RFC1: variants seen among roughly 807,000 people sequenced by gnomAD.
RFC1 encodes the protein replication factor C subunit 1.
RFC1 carries 37 observed loss-of-function variants against 137.4 expected under a neutral mutation model. That is an observed-to-expected ratio of 0.27 (90% confidence interval 0.21 to 0.35). The LOEUF (loss-of-function observed/expected upper bound fraction) is 0.35. Among genes scored for constraint, RFC1 ranks in the 10% least tolerant of loss-of-function variants. RFC1 has a pLI of 1.00. For synonymous variants in RFC1, 429 were observed against 455.7 expected (o/e 0.94, Z 0.75); for missense variants, 1,205 against 1,358.5 (o/e 0.89, Z 1.78).
intron 2 of RFC1, among the ~76,000 whole-genome samples, chr4:39,348,647 A>C (rs554196711): frequency 6.6e-6 from 1 of 152,106 alleles, no homozygotes; most frequent in South Asian, 2.1e-4. Context: ...TGACAGGACA[A>C]CACAGCTATT....
rs779710595 is a variant in RFC1, at chr4:39,351,494, GA to G, written c.4-19del. 24 of 1,528,174 alleles carry G rather than the reference GA, an allele frequency of 1.6e-5. No individual in the cohort carries two copies. The highest frequency in any genetic ancestry group is 2.1e-5 in the Non-Finnish European group (24 of 1,141,842). The allele number at this position is 1,528,174 out of a possible 1,614,324, so 94.7% of individuals were successfully genotyped here. A position where few individuals can be genotyped will look rare whatever the true frequency, so the allele number is the denominator to read the frequency against. On this transcript the variant is annotated intron_variant, in intron 1 of 24. Coordinates refer to ENST00000349703, the MANE Select transcript of RFC1 (RefSeq NM_002913.5). ...CGAATGTCCTAAAAGCAAAAAACAG[GA>G]GATTCACGAATAAACATTAACCGCA...
intron 22 of RFC1, among the ~76,000 whole-genome samples, chr4:39,293,669 C>T (rs934875014): frequency 1.3e-5 from 2 of 151,890 alleles, no homozygotes. Flanking sequence ...ATGAGGAGGC[C>T]GCAGTTCCCA....
intron 10 of RFC1, among the ~76,000 whole-genome samples, chr4:39,313,317 G>A (rs1739060831): frequency 6.6e-6 from 1 of 152,180 alleles, no homozygotes; most frequent in South Asian, 2.1e-4. Flanking sequence ...TCAGGAAACT[G>A]CTTGTTCTTA....
At chr4:39,341,775 C>A (rs1401429318) in intron 4 of RFC1, 1 of 399,088 alleles carries the variant, frequency 2.5e-6, no homozygotes, top group African/African-American at 2.1e-5. Flanking sequence ...GAACAATATC[C>A]ATGAAACAAT....
Position 39,342,449 on chromosome 4 carries a change from G to A in RFC1, c.227C>T (p.Thr76Met), listed in dbSNP as rs1190859841. The change falls in exon 4 of 25, where the codon ACG becomes ATG. Residue 76 changes from threonine to methionine, a missense_variant. Around this residue, in one of 3 missense-constraint regions of RFC1, gnomAD observed 962 missense variants for 1,035.3 expected, o/e 0.93. Transcript: ENST00000349703. ...IYDSDSESEE[T>M]LQVKNAKKPP... ...CTTTTTGGCATTTTTTACCTGCAAC[G>A]TCTCCTCTGACTCTGAATCTGTATG... 15 of 1,612,626 alleles carry A rather than the reference G, an allele frequency of 9.3e-6. No individual in the cohort carries two copies. Among genetic ancestry groups the A allele is most frequent in the Admixed American group, 3.3e-5 (2 of 59,966 alleles).
Position 39,289,962 on chromosome 4 carries a change from A to G in RFC1, c.3246T>C (p.Ser1082=). The part of the protein sequence containing the change: ...TPYSLQAIKA[S]RHSTSPSLDS... The stretch of plus-strand genomic sequence containing the variant: ...CCAGGGATGGGCTTGTGCTGTGTCT[A>G]GATGCCTTTATAGCTTGAAGTGAGT... Residue 1082 remains serine, a synonymous_variant, in exon 24 of 25, where the codon TCT becomes TCC. Coordinates refer to ENST00000349703, the MANE Select transcript of RFC1 (RefSeq NM_002913.5). The G allele has an allele frequency of 6.2e-7, 1 of 1,613,412 alleles. No homozygotes were observed. Among genetic ancestry groups the G allele is most frequent in the Non-Finnish European group, 8.5e-7 (1 of 1,179,406 alleles).
rs779564930 is a variant in RFC1 at position 39,345,518 on chromosome 4, A to G, written c.133-42T>C. The G allele has an allele frequency of 3.4e-6, 5 of 1,487,234 alleles. No individual in the cohort carries two copies. The Admixed American group carries it at 5.9e-5, about 18-fold the overall frequency. 92.1% of individuals were successfully genotyped at this position (1,487,234 alleles called of 1,614,324 possible). A position where few individuals can be genotyped will look rare whatever the true frequency, so the allele number is the denominator to read the frequency against. On this transcript the variant is annotated intron_variant, in intron 2 of 24. Transcript: ENST00000349703. ...ATAATTAGAACATAAAGAAGCCTAT[A>G]TAACTATCTTTTTTTTTTTTGAGAC...
chr4:39,360,461 G>A (rs953823869), intron 1 of RFC1, among the ~76,000 whole-genome samples: 3 of 151,748 alleles, frequency 2.0e-5, no homozygotes, highest in East Asian at 1.9e-4. Context: ...CCAAGGTCGC[G>A]CCACTGCACT....
At chr4:39,325,598 G>T (rs1259503228) in intron 6 of RFC1, among the ~76,000 whole-genome samples, 1 of 152,044 alleles carries the variant, frequency 6.6e-6, no homozygotes, top group Non-Finnish European at 1.5e-5. Flanking sequence ...ACCCAGACTG[G>T]TCTCAAACTC....
intron 13 of RFC1, 132 bp downstream of exon 13, chr4:39,308,504 G>C (rs1373761442): frequency 3.2e-6 from 4 of 1,257,674 alleles, no homozygotes; most frequent in Non-Finnish European, 4.4e-6. Flanking sequence ...TACTGCACCT[G>C]GGTTCAGATC....
chr4:39,332,092 C>T (rs1274763405), intron 4 of RFC1, among the ~76,000 whole-genome samples: 1 of 152,212 alleles, frequency 6.6e-6, no homozygotes, highest in African/African-American at 2.4e-5. Context: ...TTTCACCTTC[C>T]ACCATGATTG....
chr4:39,324,174 C>T (rs1376041707), intron 6 of RFC1, among the ~76,000 whole-genome samples: 2 of 151,974 alleles, frequency 1.3e-5, no homozygotes, highest in African/African-American at 4.8e-5. Flanking sequence ...AAACACCCTA[C>T]ATTATTCAAA....
chr4:39,296,451 G>A (rs1424759541), intron 21 of RFC1, among the ~76,000 whole-genome samples: 1 of 103,830 alleles, frequency 9.6e-6, no homozygotes, highest in African/African-American at 3.8e-5. Context: ...CCCTTCCTGT[G>A]TCCATGTGAT....
chr4:39,346,501 A>G (rs1223248487), intron 2 of RFC1, among the ~76,000 whole-genome samples: 1 of 152,136 alleles, frequency 6.6e-6, no homozygotes, highest in African/African-American at 2.4e-5. Context: ...AGTACTAAAT[A>G]AAACCAATGC....
chr4:39,342,361 T>C lies in RFC1; in HGVS notation c.315A>G (p.Thr105=), dbSNP rs140182474. ...CAACCTTACCTGTTTCTGAAATGTA[T>C]GTAACAGGATCCTGCCGTGAAATTT... ...PGKISRQDPV[T]YISETDEEDD... is the part of the protein sequence containing the mutation. The change falls in exon 4 of 25, where the codon ACA becomes ACG. Residue 105 remains threonine, a synonymous_variant. Transcript: ENST00000349703. 16 of 1,612,846 alleles carry C rather than the reference T, an allele frequency of 9.9e-6. No homozygotes were observed. The highest frequency in any genetic ancestry group is 8.0e-5 in the African/African-American group (6 of 74,882).
intron 1 of RFC1, among the ~76,000 whole-genome samples, chr4:39,361,346 G>A (rs1214022529): frequency 2.0e-5 from 3 of 152,050 alleles, no homozygotes; most frequent in Non-Finnish European, 2.9e-5. Context: ...CTGAGATCAC[G>A]CCACCACACT....
intron 22 of RFC1, among the ~76,000 whole-genome samples, chr4:39,293,528 C>T (rs576724796): frequency 1.3e-5 from 2 of 152,200 alleles, no homozygotes; most frequent in East Asian, 1.9e-4. Flanking sequence ...AGAAGAGAAA[C>T]GGACCTACAA....
chr4:39,340,549 T>A (rs1740562543), intron 4 of RFC1, among the ~76,000 whole-genome samples: 1 of 152,204 alleles, frequency 6.6e-6, no homozygotes, highest in Non-Finnish European at 1.5e-5. Context: ...TAGCCTAACG[T>A]AAAGAGTAAT....
Position 39,351,358 on chromosome 4 carries a change from T to A in RFC1, c.122A>T (p.Lys41Met). Residue 41 changes from lysine to methionine, a missense_variant, in exon 2 of 25, where the codon AAG becomes ATG. Transcript: ENST00000349703. ...EETLKAKKGI[K>M]EIKVNSSRKE... is the part of the protein sequence containing the mutation. ...ACCCAGAAAACTAACCTTGATTTCC[T>A]TTATTCCTTTCTTTGCTTTTAAAGT... 6.4e-7 allele frequency: 1 copy of A among 1,557,872 alleles called. No individual in the cohort carries two copies.
Sources: gnomAD v4.1 joint callset for allele counts (sites outside exome capture counted in the v4.1 genomes callset) on GRCh38, gnomAD v4.1.1 for gene constraint, gnomAD v4.1.1 regional missense constraint, MANE v1.5 for transcripts, NCBI Gene and HGNC (gene_info 2026-07-23, HGNC 2026-07-21) for gene names.